KIF14: variants seen among roughly 807,000 people sequenced by gnomAD.
KIF14 encodes kinesin family member 14, also known as kinesin-like protein KIF14.
KIF14 carries 98 observed loss-of-function variants against 176.2 expected under a neutral mutation model. The observed-to-expected ratio is 0.56, with a 90% CI of 0.47 to 0.66. The LOEUF is 0.66. Among genes scored for constraint, KIF14 ranks in the 30% least tolerant of loss-of-function variants. The pLI, the probability that KIF14 is intolerant of heterozygous loss-of-function variation, is 0.00. For missense variants in KIF14, 1,751 were observed against 1,920.4 expected (o/e 0.91, Z 1.65); for synonymous variants, 566 against 632.2 (o/e 0.90, Z 1.57).
In KIF14 at chr1:200,569,958, T is replaced by C; in HGVS notation, c.3614A>G (p.Asp1205Gly). 1 of 1,605,644 alleles carries C rather than the reference T, an allele frequency of 6.2e-7. No homozygotes were observed. Among genetic ancestry groups the C allele is most frequent in the Non-Finnish European group, 8.5e-7 (1 of 1,174,464 alleles). The change falls in exon 23 of 30, where the codon GAC (aspartate) becomes GGC (glycine). Residue 1205 changes from aspartate (D) to glycine (G), a missense_variant. By Grantham distance (94) the Asp-to-Gly change is moderately conservative. Transcript: ENST00000367350. ...KNRRISGCLHDIQVHPIKNLH... is the reference protein window; with the variant it reads ...KNRRISGCLHGIQVHPIKNLH... ...ATTCTTAATTGGATGGACTTGTATG[T>C]CATGTAAACAACCAGAAATTCTTCT...
At chr1:200,609,311 C>T (rs943673764) in intron 4 of KIF14, among the ~76,000 whole-genome samples, 4 of 152,028 alleles carry the variant, frequency 2.6e-5, no homozygotes, top group South Asian at 2.1e-4. Flanking sequence ...TAAAATGGTG[C>T]GGCCAATGTG....
intron 14 of KIF14, among the ~76,000 whole-genome samples, chr1:200,595,037 T>G (rs185707134): frequency 1.8e-4 from 28 of 152,270 alleles, no homozygotes; most frequent in African/African-American, 6.5e-4. Flanking sequence ...TCTGCCACTA[T>G]TTTCCCATAA....
In KIF14 at chr1:200,617,819, G is replaced by A. The variant is rs1328811388; in HGVS notation, c.905C>T (p.Ser302Leu). The change falls in exon 2 of 30, where the codon TCA becomes TTA. Residue 302 changes from serine (S) to leucine (L), a missense_variant. Ser to Leu is a moderately radical substitution (Grantham distance 145, BLOSUM62 -2). Coordinates refer to ENST00000367350, the MANE Select transcript of KIF14 (RefSeq NM_014875.3). ...GTTAGACATTCTATTCTTCAGTATT[G>A]ATGGAGCTGGGCTCTTAAGCTGAGG... The part of the protein sequence containing the change: ...SLPQLKSPAP[S>L]ILKNRMSNLQ... The A allele has an allele frequency of 5.6e-6, 9 of 1,614,040 alleles. No homozygotes were observed. Among genetic ancestry groups the A allele is most frequent in the South Asian group, 1.1e-5 (1 of 91,092 alleles).
chr1:200,609,008 AATAT>A lies in KIF14; in HGVS notation c.1456-84_1456-81del, dbSNP rs1292359422. 7 of 632,298 alleles carry A rather than the reference AATAT, an allele frequency of 1.1e-5. No homozygotes were observed. In the African/African-American group the frequency reaches 1.1e-4, roughly 10 times the overall value. 39.2% of individuals were successfully genotyped at this position (632,298 alleles called of 1,614,324 possible). ...TCTGTGGTTAGGAACTAGTATCCAA[AATAT>A]ATAAATATATAAAAATATCCTACAA... is the stretch of plus-strand genomic sequence containing the variant. On this transcript the variant is annotated intron_variant, in intron 4 of 29. Transcript: ENST00000367350.
chr1:200,600,342 T>G lies in KIF14; in HGVS notation c.2300+14A>C. ...GCAACACACTTAACATTTAGAGTAC[T>G]GACTGTACTCTACCTTTGCATTTCT... On this transcript the variant is annotated intron_variant, in intron 12 of 29. Transcript: ENST00000367350. 1 of 1,604,658 alleles carries G rather than the reference T, an allele frequency of 6.2e-7. No homozygotes were observed. Among genetic ancestry groups the G allele is most frequent in the Non-Finnish European group, 8.5e-7 (1 of 1,171,402 alleles).
In KIF14 at chr1:200,581,183, G is replaced by A; in HGVS notation, c.3335+18C>T. ...AACTTGTTTAAAACATTTAAAATCAGGATAATTAATTACTCACCTGCCAAA... is the reference window on the plus strand; with the variant it reads ...AACTTGTTTAAAACATTTAAAATCAAGATAATTAATTACTCACCTGCCAAA... On this transcript the variant is annotated intron_variant, in intron 20 of 29. Coordinates refer to ENST00000367350, the MANE Select transcript of KIF14 (RefSeq NM_014875.3). 2 of 1,360,342 alleles carry A rather than the reference G, an allele frequency of 1.5e-6. No homozygotes were observed. The highest frequency in any genetic ancestry group is 2.0e-6 in the Non-Finnish European group (2 of 980,488). The allele number at this position is 1,360,342 out of a possible 1,614,324, so 84.3% of individuals were successfully genotyped here.
At chr1:200,607,048 T>C (rs1327842064) in intron 5 of KIF14, among the ~76,000 whole-genome samples, 1 of 115,700 alleles carries the variant, frequency 8.6e-6, no homozygotes, top group Non-Finnish European at 1.7e-5. Flanking sequence ...TTACTAGTTT[T>C]TTTATTCTTA....
intron 16 of KIF14, 60 bp from the exon 17 acceptor site, chr1:200,590,332 G>T (rs1658990716): frequency 7.2e-7 from 1 of 1,380,574 alleles, no homozygotes; most frequent in Non-Finnish European, 9.8e-7. Flanking sequence ...CATCATAATA[G>T]TTCTTAATCC....
intron 22 of KIF14, among the ~76,000 whole-genome samples, chr1:200,572,548 T>G (rs1657861318): frequency 6.6e-6 from 1 of 152,126 alleles, no homozygotes; most frequent in Non-Finnish European, 1.5e-5. Context: ...TTTCACCGTG[T>G]TAGCCAGGAT....
Position 200,575,657 on chromosome 1 carries a change from C to T in KIF14, c.3500G>A (p.Cys1167Tyr). 6.3e-7 allele frequency: 1 copy of T among 1,589,758 alleles called. No homozygotes were observed. The highest frequency in any genetic ancestry group is 2.2e-5 in the East Asian group (1 of 44,630). The change falls in exon 22 of 30, where the codon TGT (cysteine) becomes TAT (tyrosine). Residue 1167 changes from cysteine (C) to tyrosine (Y), a missense_variant. By Grantham distance (194) the Cys-to-Tyr change is radical. Transcript: ENST00000367350. ...NGSNRGEDAF[C>Y]DPEDEWEPDI... ...GGGTTCCCATTCATCTTCAGGATCA[C>T]AAAAGGCATCTTCACCCCTGTTACT...
chr1:200,575,233 G>A (rs980914044), intron 22 of KIF14, among the ~76,000 whole-genome samples: 2 of 152,042 alleles, frequency 1.3e-5, no homozygotes, highest in East Asian at 1.9e-4. Context: ...TGGGATTACA[G>A]GCATGAGCCA....
At position 200,608,855 on chromosome 1, in the gene KIF14, T is replaced by C. The variant is rs1325834419; in HGVS notation, c.1529A>G (p.Asp510Gly). Residue 510 changes from aspartate to glycine, a missense_variant, in exon 5 of 30, where the codon GAT becomes GGT. Asp to Gly is a moderately conservative substitution (Grantham distance 94, BLOSUM62 -1). Coordinates refer to ENST00000367350, the MANE Select transcript of KIF14 (RefSeq NM_014875.3). ...EKIHDLLVCKDENGQRKQPLR... is the reference protein window; with the variant it reads ...EKIHDLLVCKGENGQRKQPLR... ...TGGTTGCTTTCTCTGCCCATTTTCA[T>C]CTTTACAAACCAGAAGGTCGTGAAT... 6.2e-7 allele frequency: 1 copy of C among 1,607,192 alleles called. No homozygotes were observed. The highest frequency in any genetic ancestry group is 1.7e-5 in the Admixed American group (1 of 59,972).
At chr1:200,554,019 T>G (rs1049377917) in intron 29 of KIF14, among the ~76,000 whole-genome samples, 1 of 152,194 alleles carries the variant, frequency 6.6e-6, no homozygotes, top group Non-Finnish European at 1.5e-5. Context: ...AGTTCCTATA[T>G]GGGTAACTAA....
In KIF14 at chr1:200,600,470, G is replaced by A. The variant is rs1015286332; in HGVS notation, c.2186C>T (p.Ala729Val). 1 of 1,613,628 alleles carries A rather than the reference G, an allele frequency of 6.2e-7. No homozygotes were observed. The highest frequency in any genetic ancestry group is 1.7e-5 in the Admixed American group (1 of 60,020). ...LKAEIAKLKAAQRNSRNIDPE... is the reference protein window; with the variant it reads ...LKAEIAKLKAVQRNSRNIDPE... Reference sequence around the variant, plus strand: ...GTCAATATTCCGACTGTTTCTCTGAGCAGCTTTTAGCTTTGCAATTTCTGC... The same window carrying A: ...GTCAATATTCCGACTGTTTCTCTGAACAGCTTTTAGCTTTGCAATTTCTGC... The change falls in exon 12 of 30, where the codon GCT (alanine) becomes GTT (valine). Residue 729 changes from alanine (A) to valine (V), a missense_variant. Physicochemically the swap from Ala to Val is moderately conservative, Grantham distance 64. Coordinates refer to ENST00000367350, the MANE Select transcript of KIF14 (RefSeq NM_014875.3).
intron 22 of KIF14, among the ~76,000 whole-genome samples, chr1:200,573,427 CTTTTTTTTTTTT>C (rs869174532): frequency 5.1e-5 from 4 of 77,762 alleles, no homozygotes; most frequent in Admixed American, 3.2e-4. Flanking sequence ...GAGCTCATTT[CTTTTTTTTTTTT>C]TTTTTTTTTT....
At chr1:200,554,739 C>G in intron 28 of KIF14, 133 bp from the exon 29 acceptor site, 1 of 532,996 alleles carries the variant, frequency 1.9e-6, no homozygotes, top group East Asian at 3.3e-5. Context: ...CAGTGCTTAA[C>G]TCTATTTCTA....
At position 200,617,803 on chromosome 1, in the gene KIF14, T is replaced by C; in HGVS notation, c.921A>G (p.Arg307=). The change falls in exon 2 of 30, where the codon AGA becomes AGG. Residue 307 remains arginine, a synonymous_variant. Coordinates refer to ENST00000367350, the MANE Select transcript of KIF14 (RefSeq NM_014875.3). ...TTTGTTTAACTTGAAGGTTAGACAT[T>C]CTATTCTTCAGTATTGATGGAGCTG... ...KSPAPSILKN[R]MSNLQVKQRP... is the part of the protein sequence containing the mutation. 6.2e-7 allele frequency: 1 copy of C among 1,614,198 alleles called. No homozygotes were observed. The highest frequency in any genetic ancestry group is 8.5e-7 in the Non-Finnish European group (1 of 1,180,014).
Position 200,593,720 on chromosome 1 carries a change from C to T in KIF14, c.2599G>A (p.Ala867Thr). 4 of 1,612,908 alleles carry T rather than the reference C, an allele frequency of 2.5e-6. No homozygotes were observed. Among genetic ancestry groups the T allele is most frequent in the Non-Finnish European group, 3.4e-6 (4 of 1,179,240 alleles). Reference protein sequence around the residue: ...GTVSIIPVGEAKTYVNGKHIL... With the variant: ...GTVSIIPVGETKTYVNGKHIL... ...TGTTTTCCATTTACATATGTCTTTG[C>T]TTCCCCAACTGGGATAATACTCACT... The change falls in exon 15 of 30, where the codon GCA becomes ACA. Residue 867 changes from alanine (A) to threonine (T), a missense_variant. Transcript: ENST00000367350.
chr1:200,561,314 G>A (rs1657140930), intron 25 of KIF14, among the ~76,000 whole-genome samples: 2 of 151,766 alleles, frequency 1.3e-5, no homozygotes, highest in African/African-American at 2.4e-5. Context: ...GCCGAGGCAG[G>A]CAGATCACAA....
Sources: gnomAD v4.1 joint callset for allele counts (sites outside exome capture counted in the v4.1 genomes callset) on GRCh38, gnomAD v4.1.1 for gene constraint, MANE v1.5 for transcripts, NCBI Gene and HGNC (gene_info 2026-07-23, HGNC 2026-07-21) for gene names.